Variants in GSK3B observed in about 807,000 individuals in gnomAD.
The protein encoded by GSK3B is glycogen synthase kinase 3 beta.
A neutral mutation model predicts 56.4 loss-of-function variants in GSK3B; 15 were observed. That is an observed-to-expected ratio of 0.27 (90% CI 0.18 to 0.41). The LOEUF (loss-of-function observed/expected upper bound fraction) is 0.41, where lower values mean the gene tolerates loss of function less well. Among genes scored for constraint, GSK3B ranks in the 10% least tolerant of loss-of-function variants. The probability of loss-of-function intolerance (pLI) is 1.00; values close to 1 mark genes in which losing one functional copy is unlikely to be tolerated. For synonymous variants in GSK3B, 181 were observed against 188.9 expected (o/e 0.96, Z 0.34); for missense variants, 300 against 513.4 (o/e 0.58, Z 4.02).
At chr3:119,884,704 A>T (rs985990721) in intron 7 of GSK3B, among the ~76,000 whole-genome samples, 1 of 152,158 alleles carries the variant, frequency 6.6e-6, no homozygotes, top group African/African-American at 2.4e-5. Flanking sequence ...ATTATACCAT[A>T]AAAAAGAAAC....
chr3:120,066,585 T>C (rs142219619), intron 1 of GSK3B, among the ~76,000 whole-genome samples: 81 of 152,236 alleles, frequency 5.3e-4, no homozygotes, highest in African/African-American at 1.9e-3. Flanking sequence ...AATAATAAAA[T>C]TGAGGTAAAG....
At chr3:119,983,837 A>G (rs546146659) in intron 2 of GSK3B, among the ~76,000 whole-genome samples, 5 of 152,336 alleles carry the variant, frequency 3.3e-5, no homozygotes, top group African/African-American at 1.2e-4. Context: ...ACCTGAACTC[A>G]GCTCTGCAAC....
intron 4 of GSK3B, among the ~76,000 whole-genome samples, chr3:119,921,244 T>A (rs2107463158): frequency 6.6e-6 from 1 of 152,318 alleles, no homozygotes; most frequent in South Asian, 2.1e-4. Flanking sequence ...TCTTTTTATA[T>A]AAACTATATC....
At chr3:120,011,683 T>C (rs962875955) in intron 1 of GSK3B, among the ~76,000 whole-genome samples, 2 of 152,184 alleles carry the variant, frequency 1.3e-5, no homozygotes, top group African/African-American at 4.8e-5. Context: ...ATATGGGGGA[T>C]GACTTGGCAT....
chr3:119,854,542 C>T (rs1237049846), intron 9 of GSK3B, among the ~76,000 whole-genome samples: 2 of 152,160 alleles, frequency 1.3e-5, no homozygotes, highest in Non-Finnish European at 2.9e-5. Flanking sequence ...GTGAATCTGT[C>T]TGGTCCTGGA....
chr3:119,832,871 C>T (rs1377189480), intron 10 of GSK3B: 1 of 467,316 alleles, frequency 2.1e-6, no homozygotes, highest in African/African-American at 2.1e-5. Context: ...TGATTTTTGT[C>T]CTGGAGTAAA....
chr3:119,844,798 C>T (rs2055833258), intron 9 of GSK3B, among the ~76,000 whole-genome samples: 1 of 152,208 alleles, frequency 6.6e-6, no homozygotes, highest in African/African-American at 2.4e-5. Flanking sequence ...GGAATCCTCC[C>T]TAACTCATTT....
rs182508494 is a variant in GSK3B at position 119,883,343 on chromosome 3, G to C, written c.814-6835C>G. Among the ~76,000 whole-genome samples the C allele has an allele frequency of 2.6e-5, 4 of 152,130 alleles. No homozygotes were observed. The East Asian group carries it at 5.8e-4, about 22-fold the overall frequency. ...GGAAAAAAAGCACTTATTTCTGTTG[G>C]TGACTTCTAATGATAAACCAATTAA... On this transcript the variant is annotated intron_variant, in intron 7 of 10. Transcript: ENST00000264235.
At chr3:119,949,503 G>A (rs944784709) in intron 2 of GSK3B, among the ~76,000 whole-genome samples, 5 of 152,038 alleles carry the variant, frequency 3.3e-5, no homozygotes, top group African/African-American at 1.2e-4. Flanking sequence ...AAGATAATAC[G>A]GCTGCATCAT....
At chr3:119,980,044 A>G (rs2057445508) in intron 2 of GSK3B, among the ~76,000 whole-genome samples, 2 of 152,170 alleles carry the variant, frequency 1.3e-5, no homozygotes, top group Non-Finnish European at 1.5e-5. Context: ...GTGTGGCTAT[A>G]TATGTGTTGT....
intron 4 of GSK3B, among the ~76,000 whole-genome samples, chr3:119,917,670 TTA>T (rs2056795156): frequency 1.4e-5 from 2 of 146,540 alleles, no homozygotes; most frequent in African/African-American, 2.6e-5. Context: ...TTTTTTTTTT[TTA>T]AAAAAAAAAA....
rs964088719 is a variant in GSK3B, at chr3:120,012,465, G to T, written c.89-10226C>A. On this transcript the variant is annotated intron_variant, in intron 1 of 10. Coordinates refer to ENST00000264235, the MANE Select transcript of GSK3B (RefSeq NM_001146156.2). ...TGAAGGTACAACAGCACAGCAGCAG[G>T]AACTAGTTCAGCTTCAGGCCCTCTC... 8.5e-5 allele frequency among the ~76,000 whole-genome samples: 13 copies of T among 152,274 alleles called. No individual in the cohort carries two copies. The East Asian group carries it at 2.5e-3, about 29-fold the overall frequency.
intron 2 of GSK3B, among the ~76,000 whole-genome samples, chr3:119,959,148 T>C (rs1311993091): frequency 1.3e-5 from 2 of 152,224 alleles, no homozygotes; most frequent in Non-Finnish European, 2.9e-5. Context: ...TTTTCTTTGC[T>C]AGTTCTTCAT....
intron 7 of GSK3B, among the ~76,000 whole-genome samples, chr3:119,903,455 A>T (rs1001495168): frequency 3.3e-5 from 5 of 151,964 alleles, no homozygotes; most frequent in Non-Finnish European, 7.4e-5. Flanking sequence ...TTGGCCTGCT[A>T]CTACATATTG....
chr3:119,998,054 A>G (rs1307817846), intron 2 of GSK3B, among the ~76,000 whole-genome samples: 1 of 149,950 alleles, frequency 6.7e-6, no homozygotes, highest in Non-Finnish European at 1.5e-5. Context: ...AGCCCAAATC[A>G]ACAATATCTG....
At chr3:120,085,798 TCCGTCTTGAG>T (rs2058458596) in intron 1 of GSK3B, among the ~76,000 whole-genome samples, 1 of 151,504 alleles carries the variant, frequency 6.6e-6, no homozygotes, top group South Asian at 2.1e-4. Flanking sequence ...ACAGTGACAT[TCCGTCTTGAG>T]AAAAAAAAAA....
intron 2 of GSK3B, 127 bp downstream of exon 2, chr3:120,001,919 G>T (rs2057680694): frequency 3.7e-6 from 2 of 547,706 alleles, no homozygotes; most frequent in Non-Finnish European, 3.2e-6. Context: ...TCACTACAAT[G>T]GTTGAGCTGA....
intron 9 of GSK3B, among the ~76,000 whole-genome samples, chr3:119,857,987 T>G (rs2056044291): frequency 6.6e-6 from 1 of 151,996 alleles, no homozygotes; most frequent in Non-Finnish European, 1.5e-5. Flanking sequence ...TGAAAGAATC[T>G]TTTTTTCCTG....
intron 1 of GSK3B, among the ~76,000 whole-genome samples, chr3:120,042,838 G>A (rs1249739672): frequency 6.6e-6 from 1 of 152,170 alleles, no homozygotes; most frequent in Admixed American, 6.5e-5. Context: ...AACCAAATTA[G>A]TTATAAAGAC....
Sources: gnomAD v4.1 joint callset for allele counts (sites outside exome capture counted in the v4.1 genomes callset) on GRCh38, gnomAD v4.1.1 for gene constraint, MANE v1.5 for transcripts, NCBI Gene and HGNC (gene_info 2026-07-23, HGNC 2026-07-21) for gene names.